ATP5F1C: variants seen among roughly 807,000 people sequenced by gnomAD.
The protein encoded by ATP5F1C is ATP synthase F(1) complex subunit gamma, mitochondrial.
ATP5F1C carries 22 observed loss-of-function variants against 37.4 expected under a neutral mutation model. The observed-to-expected ratio is 0.59, with a 90% CI of 0.42 to 0.84. The LOEUF is 0.84. Ranked by LOEUF, ATP5F1C falls within the 40% of genes least tolerant of loss-of-function variation. ATP5F1C has a pLI of 0.00. For missense variants in ATP5F1C, 286 were observed against 362.4 expected (o/e 0.79, Z 1.71); for synonymous variants, 121 against 128.0 (o/e 0.95, Z 0.37).
rs370203995 is a variant in ATP5F1C, at chr10:7,802,348, A to G, written c.716A>G (p.Tyr239Cys). 2 of 1,614,180 alleles carry G rather than the reference A, an allele frequency of 1.2e-6. No individual in the cohort carries two copies. The highest frequency in any genetic ancestry group is 1.3e-5 in the African/African-American group (1 of 75,056). The change falls in exon 7 of 10, where the codon TAC becomes TGC. Residue 239 changes from tyrosine to cysteine, a missense_variant. Transcript: ENST00000356708. The part of the protein sequence containing the change: ...YQEYNLANII[Y>C]YSLKESTTSE... Reference sequence around the variant, plus strand: ...GAATACAATCTGGCCAACATCATCTACTACTCTCTGAAGGAGTCCACCACT... The same window carrying G: ...GAATACAATCTGGCCAACATCATCTGCTACTCTCTGAAGGAGTCCACCACT...
At chr10:7,794,951 T>C (rs1194836092) in intron 1 of ATP5F1C, among the ~76,000 whole-genome samples, 1 of 152,188 alleles carries the variant, frequency 6.6e-6, no homozygotes, top group Non-Finnish European at 1.5e-5. Flanking sequence ...TCCAGGTTCT[T>C]GAGGTCTCTC....
At chr10:7,802,622 C>T (rs1836392299) in intron 7 of ATP5F1C, 136 bp from the exon 8 acceptor site, 1 of 1,110,720 alleles carries the variant, frequency 9.0e-7, no homozygotes, top group Non-Finnish European at 1.3e-6. Context: ...GTAAAAATAT[C>T]TTCATAACAT....
intron 3 of ATP5F1C, 102 bp downstream of exon 3, chr10:7,797,280 G>A: frequency 6.9e-7 from 1 of 1,440,116 alleles, no homozygotes; most frequent in Non-Finnish European, 9.4e-7. Context: ...AAGCCTATCT[G>A]AGCACTTGCC....
At position 7,799,706 on chromosome 10, in the gene ATP5F1C, G is replaced by T. The variant is rs1836314308; in HGVS notation, c.429-66G>T. 8.9e-6 allele frequency: 14 copies of T among 1,574,810 alleles called. No homozygotes were observed. The Middle Eastern group carries it at 5.1e-4, about 57-fold the overall frequency. Reference sequence around the variant, plus strand: ...ATGGTGACAATGTTTTCTCCTGCCTGTCCCCTGTGCTCTTTCAGCAGAAAT... The same window carrying T: ...ATGGTGACAATGTTTTCTCCTGCCTTTCCCCTGTGCTCTTTCAGCAGAAAT... On this transcript the variant is annotated intron_variant, in intron 4 of 9. Coordinates refer to ENST00000356708, the MANE Select transcript of ATP5F1C (RefSeq NM_001001973.3).
rs192483778 is a variant in ATP5F1C at position 7,788,272 on chromosome 10, G to A, written c.56+9G>A. On this transcript the variant is annotated intron_variant, in intron 1 of 9. Transcript: ENST00000356708. ...ACCTTGCAGCCGCAATGGTATGGCA[G>A]CTTGCGGGAAGATCGGCAGGACCGC... 4,929 of 1,612,912 alleles carry A rather than the reference G, an allele frequency of 3.1e-3. 11 individuals carry two copies. The highest frequency in any genetic ancestry group is 3.8e-3 in the Non-Finnish European group (4,441 of 1,179,666).
chr10:7,791,860 C>T (rs1836169505), intron 1 of ATP5F1C, among the ~76,000 whole-genome samples: 1 of 152,182 alleles, frequency 6.6e-6, no homozygotes, highest in South Asian at 2.1e-4. Flanking sequence ...GAAATTAGGG[C>T]AAATGCGTAG....
chr10:7,803,743 CT>C (rs1836420926), intron 8 of ATP5F1C, among the ~76,000 whole-genome samples: 1 of 152,132 alleles, frequency 6.6e-6, no homozygotes, highest in African/African-American at 2.4e-5. Context: ...GTGATTCTCT[CT>C]TTTAAGGCAC....
chr10:7,804,647 T>C (rs1426041090), intron 8 of ATP5F1C, among the ~76,000 whole-genome samples: 1 of 152,204 alleles, frequency 6.6e-6, no homozygotes, highest in East Asian at 1.9e-4. Flanking sequence ...TACAGCCTTG[T>C]ATGAGGAATT....
intron 4 of ATP5F1C, 36 bp downstream of exon 4, chr10:7,799,230 T>C: frequency 1.3e-6 from 2 of 1,567,656 alleles, no homozygotes; most frequent in Non-Finnish European, 1.7e-6. Flanking sequence ...TTCATAAAGA[T>C]GTAAGCACGA....
At chr10:7,800,975 G>T (rs1244430) in intron 6 of ATP5F1C, among the ~76,000 whole-genome samples, 145,453 of 152,354 alleles carry the variant, frequency 0.95, 69,819 homozygotes, top group East Asian at 1. Flanking sequence ...GGCTTTGCAA[G>T]TTATGTTTGG....
chr10:7,789,290 C>T (rs1457795305), intron 1 of ATP5F1C, among the ~76,000 whole-genome samples: 2 of 152,030 alleles, frequency 1.3e-5, no homozygotes, highest in African/African-American at 4.8e-5. Flanking sequence ...ATTTTCGTAT[C>T]CTAATTTATA....
chr10:7,802,792 C>T lies in ATP5F1C; in HGVS notation c.828C>T (p.Asn276=), dbSNP rs757311937. Residue 276 remains asparagine (N), a synonymous_variant, in exon 8 of 10, where the codon AAC becomes AAT. Coordinates refer to ENST00000356708, the MANE Select transcript of ATP5F1C (RefSeq NM_001001973.3). ...TTGACAAATTGACATTGACATTCAA[C>T]CGTACCCGCCAAGCTGTCATCACAA... is the stretch of plus-strand genomic sequence containing the variant. ...EMIDKLTLTF[N]RTRQAVITKE... The T allele has an allele frequency of 6.2e-7, 1 of 1,613,928 alleles. No homozygotes were observed. The highest frequency in any genetic ancestry group is 1.7e-5 in the Admixed American group (1 of 59,976).
Position 7,802,388 on chromosome 10 carries a change from C to T in ATP5F1C, c.756C>T (p.Ala252=). 1 of 1,613,912 alleles carries T rather than the reference C, an allele frequency of 6.2e-7. No individual in the cohort carries two copies. The highest frequency in any genetic ancestry group is 8.5e-7 in the Non-Finnish European group (1 of 1,179,954). Residue 252 remains alanine (A), a synonymous_variant, in exon 7 of 10, where the codon GCC becomes GCT. Coordinates refer to ENST00000356708, the MANE Select transcript of ATP5F1C (RefSeq NM_001001973.3). ...LKESTTSEQS[A]RMTAMDNASK... ...AGTCCACCACTAGTGAGCAGAGTGC[C>T]AGGATGACAGCCATGGACAATGCCA... is the stretch of plus-strand genomic sequence containing the variant.
chr10:7,805,676 G>A (rs944248140), intron 8 of ATP5F1C, among the ~76,000 whole-genome samples: 4 of 150,028 alleles, frequency 2.7e-5, no homozygotes, highest in Non-Finnish European at 5.9e-5. Context: ...GAACCTGGGA[G>A]GCGGAGCTTG....
chr10:7,802,821 A>C lies in ATP5F1C; in HGVS notation c.857A>C (p.Glu286Ala). ...ACCCGCCAAGCTGTCATCACAAAAG[A>C]GTTGATTGAAATTATCTCTGGTGCT... is the stretch of plus-strand genomic sequence containing the variant. ...NRTRQAVITK[E>A]LIEIISGAAA... The change falls in exon 8 of 10, where the codon GAG (glutamate) becomes GCG (alanine). Residue 286 changes from glutamate (E) to alanine (A), a missense_variant. Physicochemically the swap from Glu to Ala is moderately radical, Grantham distance 107. Transcript: ENST00000356708. The C allele has an allele frequency of 6.2e-7, 1 of 1,613,984 alleles. No homozygotes were observed. Among genetic ancestry groups the C allele is most frequent in the Non-Finnish European group, 8.5e-7 (1 of 1,179,966 alleles).
rs1305504934 is a variant in ATP5F1C at position 7,792,764 on chromosome 10, C to T, written c.57-3357C>T. 2.0e-5 allele frequency among the ~76,000 whole-genome samples: 3 copies of T among 152,196 alleles called. No homozygotes were observed. The East Asian group carries it at 5.8e-4, about 29-fold the overall frequency. ...GATTATCCATTCATGTATTGAAGGA[C>T]ATCTGGGTTGCTTCCAACTTTTGGC... On this transcript the variant is annotated intron_variant, in intron 1 of 9. Coordinates refer to ENST00000356708, the MANE Select transcript of ATP5F1C (RefSeq NM_001001973.3).
chr10:7,799,933 A>C lies in ATP5F1C; in HGVS notation c.572+18A>C. The C allele has an allele frequency of 1.9e-6, 3 of 1,607,150 alleles. No homozygotes were observed. Among genetic ancestry groups the C allele is most frequent in the Non-Finnish European group, 2.5e-6 (3 of 1,177,184 alleles). ...AAATTCAGGCAAGACAGATTTAGAA[A>C]TCAAAGCTTTTTTATGTTCATGCTT... On this transcript the variant is annotated intron_variant, in intron 5 of 9. Coordinates refer to ENST00000356708, the MANE Select transcript of ATP5F1C (RefSeq NM_001001973.3).
At chr10:7,789,383 A>G (rs1367665062) in intron 1 of ATP5F1C, among the ~76,000 whole-genome samples, 3 of 152,220 alleles carry the variant, frequency 2.0e-5, no homozygotes, top group Non-Finnish European at 2.9e-5. Flanking sequence ...GATTTTCAGA[A>G]TGATATCTGA....
At chr10:7,800,986 G>C (rs776774887) in intron 6 of ATP5F1C, among the ~76,000 whole-genome samples, 3 of 152,186 alleles carry the variant, frequency 2.0e-5, no homozygotes, top group Non-Finnish European at 4.4e-5. Context: ...TTATGTTTGG[G>C]ACCTCTAACT....
Sources: allele counts gnomAD v4.1 joint callset (sites outside exome capture counted in the v4.1 genomes callset), GRCh38; gene constraint gnomAD v4.1.1; transcripts MANE v1.5; gene names NCBI Gene and HGNC (gene_info 2026-07-23, HGNC 2026-07-21).